Variants in MGAT4C observed in about 807,000 individuals in gnomAD.
MGAT4C encodes MGAT4 family member C.
In MGAT4C, 19 loss-of-function variants were observed where a neutral mutation model predicts 40.1. The ratio of observed to expected loss-of-function variants is 0.47; its 90% confidence interval spans 0.33 to 0.70. MGAT4C has a LOEUF of 0.70. Ranked by LOEUF, MGAT4C falls within the 30% of genes least tolerant of loss-of-function variation. MGAT4C has a pLI of 0.02. For synonymous variants in MGAT4C, 181 were observed against 187.1 expected (o/e 0.97, Z 0.27); for missense variants, 491 against 563.2 (o/e 0.87, Z 1.30).
rs1228342416 is a variant in MGAT4C, at chr12:86,573,544, A to ATTGTAC, written c.-228-138285_-228-138280dup. On this transcript the variant is annotated intron_variant, in intron 2 of 7. Coordinates refer to the MGAT4C transcript ENST00000548651. ...TGATGCTGACATGTAACCCATTTTT[A>ATTGTAC]TTGTACGTGTAGAACTTCCCTACCA... Among the ~76,000 whole-genome samples the ATTGTAC allele has an allele frequency of 1.5e-3, 225 of 152,038 alleles. 1 individual carries two copies. The highest frequency in any genetic ancestry group is 5.1e-3 in the African/African-American group (210 of 41,524).
intron 2 of MGAT4C, among the ~76,000 whole-genome samples, chr12:86,548,035 G>C (rs1312956514): frequency 6.6e-6 from 1 of 152,042 alleles, no homozygotes; most frequent in Non-Finnish European, 1.5e-5. Context: ...TAGCTCTTAG[G>C]ATCTTCAGAT....
chr12:86,111,460 T>A (rs1338320105), intron 1 of MGAT4C, among the ~76,000 whole-genome samples: 4 of 151,808 alleles, frequency 2.6e-5, no homozygotes, highest in African/African-American at 9.7e-5. Flanking sequence ...GTTATATAAA[T>A]TCAGATTTCA....
At chr12:86,266,810 C>A (rs754792891) in intron 4 of MGAT4C, among the ~76,000 whole-genome samples, 24 of 151,910 alleles carry the variant, frequency 1.6e-4, no homozygotes, top group South Asian at 4.2e-4. Flanking sequence ...CTGACTCAAT[C>A]TTGCTGCTGT....
At chr12:86,292,824 T>C (rs1445948828) in intron 4 of MGAT4C, among the ~76,000 whole-genome samples, 1 of 151,236 alleles carries the variant, frequency 6.6e-6, no homozygotes, top group Admixed American at 6.6e-5. Context: ...AACAGAAAGG[T>C]AAAAGAAATG....
rs544772298 is a variant in MGAT4C at position 86,062,242 on chromosome 12, A to T, written c.-56-12519T>A. Among the ~76,000 whole-genome samples the T allele has an allele frequency of 2.0e-3, 300 of 152,258 alleles. 2 individuals are homozygous for T. Among genetic ancestry groups the T allele is most frequent in the Non-Finnish European group, 3.4e-3 (228 of 68,016 alleles). On this transcript the variant is annotated intron_variant, in intron 1 of 4. Coordinates refer to ENST00000611864, the MANE Select transcript of MGAT4C (RefSeq NM_001351288.2). ...TGATACCCCGGCAAACACGGTCTGG[A>T]ATGGCCCTCCAGCAAACTCCAGCAG...
chr12:86,691,758 C>T (rs1283866664), intron 2 of MGAT4C, among the ~76,000 whole-genome samples: 4 of 151,778 alleles, frequency 2.6e-5, no homozygotes, highest in East Asian at 1.9e-4. Flanking sequence ...CAAACACACA[C>T]CCACATAAAA....
At chr12:86,683,082 T>C (rs1287906340) in intron 2 of MGAT4C, among the ~76,000 whole-genome samples, 1 of 152,178 alleles carries the variant, frequency 6.6e-6, no homozygotes, top group East Asian at 1.9e-4. Flanking sequence ...GAAGCCTGAC[T>C]CTGGCACTGC....
intron 2 of MGAT4C, among the ~76,000 whole-genome samples, chr12:86,492,093 T>C (rs1179625123): frequency 6.6e-6 from 1 of 152,140 alleles, no homozygotes; most frequent in Non-Finnish European, 1.5e-5. Context: ...TTGCAAGGGA[T>C]GTGAAGGACC....
At chr12:86,594,273 G>C (rs1274172308) in intron 2 of MGAT4C, among the ~76,000 whole-genome samples, 1 of 152,146 alleles carries the variant, frequency 6.6e-6, no homozygotes, top group Non-Finnish European at 1.5e-5. Flanking sequence ...ACTCCATATA[G>C]TGTCTGTATC....
Position 86,291,664 on chromosome 12 carries a change from G to A in MGAT4C, c.-57+42401C>T, listed in dbSNP as rs562027699. On this transcript the variant is annotated intron_variant, in intron 4 of 7. Transcript: ENST00000548651. ...TGAAGGATCCAGGGGCAGAATAAAT[G>A]GATTTTTAACATGCAGATTACAAAG... 3.3e-5 allele frequency among the ~76,000 whole-genome samples: 5 copies of A among 152,204 alleles called. No individual in the cohort carries two copies. The South Asian group carries it at 8.3e-4, about 25-fold the overall frequency.
chr12:86,144,323 A>T (rs1314077099), intron 1 of MGAT4C, among the ~76,000 whole-genome samples: 2 of 152,204 alleles, frequency 1.3e-5, no homozygotes, highest in African/African-American at 4.8e-5. Flanking sequence ...CAGGAAAGCT[A>T]TATGCAGTGA....
intron 4 of MGAT4C, among the ~76,000 whole-genome samples, chr12:86,332,947 T>G (rs1314542906): frequency 1.3e-5 from 2 of 152,162 alleles, no homozygotes; most frequent in Non-Finnish European, 2.9e-5. Context: ...AGGGATCATC[T>G]AACATATGTT....
chr12:86,429,575 T>C (rs920123520), intron 3 of MGAT4C, among the ~76,000 whole-genome samples: 2 of 152,202 alleles, frequency 1.3e-5, no homozygotes, highest in Non-Finnish European at 1.5e-5. Flanking sequence ...TTTTTGTTTT[T>C]TTCTTTCAGA....
intron 2 of MGAT4C, among the ~76,000 whole-genome samples, chr12:86,482,334 T>C (rs1218075297): frequency 1.3e-5 from 2 of 152,108 alleles, no homozygotes; most frequent in African/African-American, 4.8e-5. Context: ...AAGTTACTCT[T>C]GAGAATCCAA....
At chr12:86,424,732 C>A (rs1177621912) in intron 3 of MGAT4C, among the ~76,000 whole-genome samples, 2 of 152,056 alleles carry the variant, frequency 1.3e-5, no homozygotes, top group Non-Finnish European at 2.9e-5. Context: ...TTATAACAAT[C>A]TAATAAAGGA....
intron 2 of MGAT4C, among the ~76,000 whole-genome samples, chr12:86,030,744 C>A (rs1890684728): frequency 6.6e-6 from 1 of 151,678 alleles, no homozygotes; most frequent in Admixed American, 6.6e-5. Context: ...TGGGCTAAAA[C>A]TGATAATCAC....
intron 3 of MGAT4C, among the ~76,000 whole-genome samples, chr12:86,337,931 A>T (rs191715287): frequency 6.6e-6 from 1 of 152,280 alleles, no homozygotes; most frequent in Non-Finnish European, 1.5e-5. Context: ...AAGCCAATCA[A>T]TCGAGTGGAT....
At chr12:86,089,470 T>A (rs1872498805) in intron 1 of MGAT4C, among the ~76,000 whole-genome samples, 1 of 151,968 alleles carries the variant, frequency 6.6e-6, no homozygotes, top group Admixed American at 6.6e-5. Context: ...AAATTGTTCA[T>A]GTCTTTCTCC....
At chr12:86,497,918 G>GTATATA (rs1565804882) in intron 2 of MGAT4C, among the ~76,000 whole-genome samples, 21 of 139,128 alleles carry the variant, frequency 1.5e-4, no homozygotes, top group South Asian at 6.5e-4. Flanking sequence ...ATATATATAC[G>GTATATA]CACACACACA....
Sources: allele counts gnomAD v4.1 joint callset (sites outside exome capture counted in the v4.1 genomes callset), GRCh38; gene constraint gnomAD v4.1.1; transcripts MANE v1.5; gene names NCBI Gene and HGNC (gene_info 2026-07-23, HGNC 2026-07-21).